The following PTPRD variants were observed in gnomAD, a reference collection of about 807,000 sequenced individuals.
The protein encoded by PTPRD is protein tyrosine phosphatase receptor type D.
Under a neutral mutation model 214.5 loss-of-function variants are expected in PTPRD, and 34 were observed. The ratio of observed to expected loss-of-function variants is 0.16; its 90% CI spans 0.12 to 0.21. The LOEUF (loss-of-function observed/expected upper bound fraction) is 0.21. Ranked by LOEUF, PTPRD falls within the 10% of genes least tolerant of loss-of-function variation. The probability of loss-of-function intolerance (pLI) is 1.00; values close to 1 mark genes in which losing one functional copy is unlikely to be tolerated. For synonymous variants in PTPRD, 1,128 were observed against 845.7 expected (o/e 1.33, Z -5.79); for missense variants, 2,545 against 2,398.7 (o/e 1.06, Z -1.27).
rs10977228 is a variant in PTPRD, at chr9:8,603,043, A to G, written c.352+30274T>C. Reference sequence around the variant, plus strand: ...ATAGCAACTAAACCTGTCTTAATCAATTTTTAGGTTTCAAACAGAGGTTCT... The same window carrying G: ...ATAGCAACTAAACCTGTCTTAATCAGTTTTTAGGTTTCAAACAGAGGTTCT... On this transcript the variant is annotated intron_variant, in intron 14 of 45. Transcript: ENST00000381196. 0.022 allele frequency among the ~76,000 whole-genome samples: 3,394 copies of G among 152,246 alleles called. 189 individuals are homozygous for G. In the East Asian group the frequency reaches 0.24, roughly 11 times the overall value.
intron 2 of PTPRD, among the ~76,000 whole-genome samples, chr9:10,383,590 G>A (rs982124911): frequency 2.0e-5 from 3 of 151,478 alleles, no homozygotes; most frequent in African/African-American, 7.3e-5. Context: ...TTAATTTCAG[G>A]TTGAAAATGG....
At chr9:8,510,816 G>T (rs2097663046) in intron 21 of PTPRD, among the ~76,000 whole-genome samples, 1 of 151,962 alleles carries the variant, frequency 6.6e-6, no homozygotes, top group Non-Finnish European at 1.5e-5. Context: ...TTTAAATAAG[G>T]TATAAAATGA....
At chr9:9,823,348 T>A (rs2051465978) in intron 5 of PTPRD, among the ~76,000 whole-genome samples, 2 of 151,902 alleles carry the variant, frequency 1.3e-5, no homozygotes, top group Non-Finnish European at 2.9e-5. Flanking sequence ...AGGGCGGAGA[T>A]GACACGTACT....
chr9:8,935,595 TC>T (rs998437668), intron 11 of PTPRD, among the ~76,000 whole-genome samples: 15 of 152,170 alleles, frequency 9.9e-5, no homozygotes, highest in African/African-American at 3.4e-4. Context: ...AATGAATGCT[TC>T]ATTCACATAA....
At chr9:9,370,824 G>A (rs532869195) in intron 9 of PTPRD, among the ~76,000 whole-genome samples, 2 of 140,232 alleles carry the variant, frequency 1.4e-5, no homozygotes, top group African/African-American at 5.8e-5. Flanking sequence ...AGCATGAAGT[G>A]TTGTTGAATT....
At chr9:10,035,914 C>CA (rs67003666) in intron 3 of PTPRD, among the ~76,000 whole-genome samples, 48,216 of 150,988 alleles carry the variant, frequency 0.32, 8,229 homozygotes, top group East Asian at 0.62. Context: ...GTTCAGGAAG[C>CA]GGAAATCTAT....
intron 3 of PTPRD, among the ~76,000 whole-genome samples, chr9:10,049,407 A>AAAAAGAAAG (rs1555515116): frequency 1.7e-5 from 2 of 115,696 alleles, no homozygotes; most frequent in East Asian, 2.5e-4. Flanking sequence ...TTAAAAAAAA[A>AAAAAGAAAG]AAAGAAAGAA....
intron 12 of PTPRD, among the ~76,000 whole-genome samples, chr9:8,649,710 C>T (rs2096767008): frequency 6.6e-6 from 1 of 152,016 alleles, no homozygotes; most frequent in Non-Finnish European, 1.5e-5. Context: ...AAGTGATTTG[C>T]CTGAGTTTTT....
chr9:9,796,051 A>T (rs538886500), intron 5 of PTPRD, among the ~76,000 whole-genome samples: 239 of 152,158 alleles, frequency 1.6e-3, no homozygotes, highest in African/African-American at 5.4e-3. Flanking sequence ...ATTTTAAGGT[A>T]TTTTTCAGTT....
intron 12 of PTPRD, among the ~76,000 whole-genome samples, chr9:8,667,337 C>G (rs1373704832): frequency 6.6e-6 from 1 of 152,156 alleles, no homozygotes; most frequent in African/African-American, 2.4e-5. Context: ...AAAACGTCGT[C>G]TCTAAATAAA....
chr9:10,135,207 C>T (rs953025837), intron 3 of PTPRD, among the ~76,000 whole-genome samples: 5 of 152,054 alleles, frequency 3.3e-5, no homozygotes. Context: ...TAAACAAAAC[C>T]TTTGGAAATT....
At chr9:9,480,910 A>G (rs2095382778) in intron 8 of PTPRD, among the ~76,000 whole-genome samples, 1 of 152,180 alleles carries the variant, frequency 6.6e-6, no homozygotes, top group African/African-American at 2.4e-5. Flanking sequence ...CATGCTGTCT[A>G]CAGGCTTCCT....
At chr9:9,168,860 G>A (rs1313561171) in intron 10 of PTPRD, among the ~76,000 whole-genome samples, 2 of 151,782 alleles carry the variant, frequency 1.3e-5, no homozygotes, top group East Asian at 3.9e-4. Flanking sequence ...ATTAAGTACT[G>A]TCTTTTAGAT....
chr9:8,848,050 G>T (rs2163944), intron 11 of PTPRD, among the ~76,000 whole-genome samples: 1 of 151,852 alleles, frequency 6.6e-6, no homozygotes, highest in Non-Finnish European at 1.5e-5. Context: ...TTGATTTTAA[G>T]AACTATTCTT....
At chr9:10,543,386 C>A (rs1300195544) in intron 2 of PTPRD, among the ~76,000 whole-genome samples, 1 of 151,502 alleles carries the variant, frequency 6.6e-6, no homozygotes, top group African/African-American at 2.4e-5. Flanking sequence ...CTTTGCAGAG[C>A]TGAAAAATTT....
chr9:10,085,959 C>A (rs1353806563), intron 3 of PTPRD, among the ~76,000 whole-genome samples: 2 of 151,674 alleles, frequency 1.3e-5, no homozygotes, highest in African/African-American at 2.4e-5. Context: ...TAGATAAAAA[C>A]AACATAAAAT....
At chr9:9,444,864 T>C (rs927087974) in intron 8 of PTPRD, among the ~76,000 whole-genome samples, 36 of 152,192 alleles carry the variant, frequency 2.4e-4, no homozygotes, top group Admixed American at 1.9e-3. Flanking sequence ...ATTTAAAGAA[T>C]ACATGCCTAC....
intron 7 of PTPRD, among the ~76,000 whole-genome samples, chr9:9,601,144 TG>T (rs1433073331): frequency 0.071 from 8,269 of 116,590 alleles, 669 homozygotes; most frequent in African/African-American, 0.19. Flanking sequence ...TGTGTGTGTG[TG>T]TGTGTATGGG....
chr9:9,981,057 C>A lies in PTPRD; in HGVS notation c.-471-42447G>T. Among the ~76,000 whole-genome samples the A allele has an allele frequency of 3.0e-5, 2 of 67,062 alleles. 1 individual carries two copies. Among genetic ancestry groups the A allele is most frequent in the African/African-American group, 9.0e-5 (2 of 22,280 alleles). The allele number at this position is 67,062 out of a possible 152,430, so 44.0% of individuals were successfully genotyped here. On this transcript the variant is annotated intron_variant, in intron 4 of 45. Coordinates refer to ENST00000381196, the MANE Select transcript of PTPRD (RefSeq NM_002839.4). The stretch of plus-strand genomic sequence containing the variant: ...CCAAGATCTATTTCCTAACAAAGTT[C>A]TCCAAAAGTTGATGAATGCACCTCC...
Sources: allele counts gnomAD v4.1 joint callset (sites outside exome capture counted in the v4.1 genomes callset), GRCh38; gene constraint gnomAD v4.1.1; transcripts MANE v1.5; gene names NCBI Gene and HGNC (gene_info 2026-07-23, HGNC 2026-07-21).